BRI3: variants seen among roughly 807,000 people sequenced by gnomAD.
BRI3 encodes membrane protein BRI3.
BRI3 carries 6 observed loss-of-function variants against 12.8 expected under a neutral mutation model. The ratio of observed to expected loss-of-function variants is 0.47; its 90% CI spans 0.26 to 0.93. BRI3 has a LOEUF of 0.93. BRI3 is among the 40% of genes least tolerant of loss of function. The pLI, the probability that BRI3 is intolerant of heterozygous loss-of-function variation, is 0.15. For missense variants in BRI3, 134 were observed against 171.1 expected, an observed-to-expected ratio of 0.78 and a Z score of 1.21; for synonymous variants, 91 against 76.1, an observed-to-expected ratio of 1.20 and a Z score of -1.02.
intron 1 of BRI3, chr7:98,306,753 G>A: frequency 1.8e-6 from 1 of 542,590 alleles, no homozygotes; most frequent in Non-Finnish European, 3.2e-6. Context: ...TGTTGCCCAG[G>A]CTGGAGTGCA....
At chr7:98,315,525 G>T in the BRI3 span, 1 of 1,521,646 alleles carries the variant, frequency 6.6e-7, no homozygotes, top group Non-Finnish European at 8.9e-7. Flanking sequence ...AAGCAGAAGC[G>T]CCTCTTCTCT....
At chr7:98,289,386 G>C (rs1167429322) in intron 2 of BRI3, among the ~76,000 whole-genome samples, 1 of 152,240 alleles carries the variant, frequency 6.6e-6, no homozygotes, top group Non-Finnish European at 1.5e-5. Context: ...TGCCCAGCAG[G>C]GGTGGGGGCA....
At chr7:98,314,914 A>G (rs1482113153), downstream of BRI3, among the ~76,000 whole-genome samples, 1 of 152,218 alleles carries the variant, frequency 6.6e-6, no homozygotes, top group Non-Finnish European at 1.5e-5. Context: ...ATGAAGCATT[A>G]TTTTATGAAG....
chr7:98,310,391 A>T, exon 2 of BRI3: 3 of 1,532,520 alleles, frequency 2.0e-6, no homozygotes, highest in Non-Finnish European at 2.6e-6. Context: ...TTCACAGCTT[A>T]TCTTAAAACA....
upstream of BRI3, chr7:98,306,384 AACG>A: frequency 6.3e-7 from 1 of 1,599,694 alleles, no homozygotes; most frequent in South Asian, 1.1e-5. Context: ...GTGTTACAGA[AACG>A]ACAAGGCAGG....
At chr7:98,295,065 G>C (rs1417226725), downstream of BRI3, among the ~76,000 whole-genome samples, 1 of 152,226 alleles carries the variant, frequency 6.6e-6, no homozygotes, top group African/African-American at 2.4e-5. Flanking sequence ...GACAGCCCCA[G>C]GAAGCGTCCC....
chr7:98,292,639 G>A (rs1800015965), downstream of BRI3: 1 of 1,551,510 alleles, frequency 6.4e-7, no homozygotes, highest in Non-Finnish European at 8.7e-7. Flanking sequence ...CCTTCTCCAG[G>A]CACCAGAGGT....
chr7:98,289,769 C>G (rs930713198), intron 2 of BRI3, among the ~76,000 whole-genome samples: 1 of 152,196 alleles, frequency 6.6e-6, no homozygotes, highest in Non-Finnish European at 1.5e-5. Context: ...TCAGCTGTGT[C>G]CAGAACTTTC....
At chr7:98,312,353 A>C, downstream of BRI3, 1 of 1,400,310 alleles carries the variant, frequency 7.1e-7, no homozygotes, top group Non-Finnish European at 9.6e-7. Flanking sequence ...CTGATAACAG[A>C]TTACTGGCTT....
At chr7:98,281,989 G>A (rs1367107339) in intron 1 of BRI3, 52 bp downstream of exon 1, 3 of 1,288,356 alleles carry the variant, frequency 2.3e-6, no homozygotes, top group Non-Finnish European at 2.0e-6. Context: ...TGGCAAGCCC[G>A]GTCGGGGGAC....
rs776489392 is a variant in BRI3 at position 98,282,344 on chromosome 7, C to G, written c.143-7C>G. ...TGCACCCTAATGACCTGCTTTCCCG[C>G]CCACAGGGATACCCACCCACCATCC... is the stretch of plus-strand genomic sequence containing the variant. On this transcript the variant is annotated splice_region_variant and splice_polypyrimidine_tract_variant and intron_variant, in intron 1 of 2. Coordinates refer to ENST00000297290, the MANE Select transcript of BRI3 (RefSeq NM_015379.5). 1 of 1,611,576 alleles carries G rather than the reference C, an allele frequency of 6.2e-7. No homozygotes were observed. Among genetic ancestry groups the G allele is most frequent in the Non-Finnish European group, 8.5e-7 (1 of 1,177,784 alleles).
downstream of BRI3, chr7:98,292,304 C>T (rs1046413340): frequency 2.1e-5 from 7 of 329,068 alleles, no homozygotes; most frequent in Non-Finnish European, 4.1e-5. Flanking sequence ...TCACTGCAAC[C>T]TCTGCCTCCC....
chr7:98,292,689 G>A, downstream of BRI3: 22 of 1,551,614 alleles, frequency 1.4e-5, no homozygotes, highest in Non-Finnish European at 1.9e-5. Flanking sequence ...GTCTGTACCT[G>A]ATTCAAACAC....
chr7:98,282,386 C>T lies in BRI3; in HGVS notation c.178C>T (p.His60Tyr), dbSNP rs1562955601. ...CCACCATCCCAGGGTCTACAACATC[C>T]ACAGCCGGACCGTCACCCGCTATCC... ...PTHHPRVYNIHSRTVTRYPAN... is the reference protein window; with the variant it reads ...PTHHPRVYNIYSRTVTRYPAN... Residue 60 changes from histidine (H) to tyrosine (Y), a missense_variant, in exon 2 of 3, where the codon CAC becomes TAC. Coordinates refer to ENST00000297290, the MANE Select transcript of BRI3 (RefSeq NM_015379.5). 1 of 1,614,112 alleles carries T rather than the reference C, an allele frequency of 6.2e-7. No homozygotes were observed. The highest frequency in any genetic ancestry group is 8.5e-7 in the Non-Finnish European group (1 of 1,179,996).
upstream of BRI3, among the ~76,000 whole-genome samples, chr7:98,303,170 C>T (rs1800495899): frequency 1.3e-5 from 2 of 152,190 alleles, no homozygotes; most frequent in Admixed American, 1.3e-4. Flanking sequence ...GGCAGGTCTA[C>T]GTTCCCAGAC....
intron 1 of BRI3, among the ~76,000 whole-genome samples, chr7:98,298,810 G>A (rs1800297155): frequency 6.6e-6 from 1 of 152,062 alleles, no homozygotes; most frequent in Non-Finnish European, 1.5e-5. Flanking sequence ...AGCCCTCAAG[G>A]GTGCCAGAGG....
downstream of BRI3, among the ~76,000 whole-genome samples, chr7:98,311,046 G>A (rs1453420704): frequency 4.0e-5 from 6 of 151,712 alleles, no homozygotes; most frequent in African/African-American, 1.2e-4. Context: ...AGTACCTGCT[G>A]CATCCCAATC....
downstream of BRI3, chr7:98,292,215 G>A (rs1444509513): frequency 4.9e-6 from 1 of 202,936 alleles, no homozygotes; most frequent in Non-Finnish European, 1.0e-5. Flanking sequence ...GGCTAAAGGA[G>A]AGGGGATAAG....
At chr7:98,315,746 G>A in the BRI3 span, 6 of 379,652 alleles carry the variant, frequency 1.6e-5, no homozygotes, top group African/African-American at 8.3e-5. Context: ...TACATGAGAG[G>A]AAAGAATGCT....
Sources: gnomAD v4.1 joint callset for allele counts (sites outside exome capture counted in the v4.1 genomes callset) on GRCh38, gnomAD v4.1.1 for gene constraint, MANE v1.5 for transcripts, NCBI Gene and HGNC (gene_info 2026-07-23, HGNC 2026-07-21) for gene names.